UNC5D: variants seen among roughly 807,000 people sequenced by gnomAD.
The protein encoded by UNC5D is unc-5 netrin receptor D, also known as netrin receptor UNC5D.
Under a neutral mutation model 105.4 loss-of-function variants are expected in UNC5D, and 39 were observed. The ratio of observed to expected loss-of-function variants is 0.37; its 90% CI spans 0.29 to 0.48. UNC5D has a LOEUF of 0.48. UNC5D is among the 20% of genes least tolerant of loss of function. The probability of loss-of-function intolerance (pLI) is 0.98; values close to 1 mark genes in which losing one functional copy is unlikely to be tolerated. For missense variants in UNC5D, 991 were observed against 1,202.4 expected (o/e 0.82, Z 2.60); for synonymous variants, 452 against 450.4 (o/e 1.00, Z -0.04).
At chr8:35,376,502 A>G (rs1802707882) in intron 1 of UNC5D, among the ~76,000 whole-genome samples, 1 of 152,198 alleles carries the variant, frequency 6.6e-6, no homozygotes, top group African/African-American at 2.4e-5. Context: ...GCTAAAAAAC[A>G]TAGATGATAT....
At chr8:35,544,486 T>C (rs1390882812) in intron 1 of UNC5D, 1 of 1,613,668 alleles carries the variant, frequency 6.2e-7, no homozygotes, top group Admixed American at 1.7e-5. Flanking sequence ...GTGATGTCTG[T>C]GCTGGGACTT....
At chr8:35,323,451 C>T (rs895298664) in intron 1 of UNC5D, among the ~76,000 whole-genome samples, 4 of 151,976 alleles carry the variant, frequency 2.6e-5, no homozygotes, top group African/African-American at 7.2e-5. Flanking sequence ...TGCCTGGCTG[C>T]CCCAACCCCC....
At chr8:35,438,467 T>A (rs1470869820) in intron 1 of UNC5D, among the ~76,000 whole-genome samples, 1 of 152,066 alleles carries the variant, frequency 6.6e-6, no homozygotes, top group African/African-American at 2.4e-5. Context: ...CTATTAGTAA[T>A]CATGCTGGGA....
intron 11 of UNC5D, among the ~76,000 whole-genome samples, chr8:35,746,801 A>T (rs1830029997): frequency 6.6e-6 from 1 of 152,204 alleles, no homozygotes; most frequent in Non-Finnish European, 1.5e-5. Flanking sequence ...GGTCACTCAT[A>T]AGCATCCCTG....
chr8:35,726,161 T>C lies in UNC5D; in HGVS notation c.1313T>C (p.Leu438Pro). The C allele has an allele frequency of 6.2e-7, 1 of 1,607,092 alleles. No homozygotes were observed. Among genetic ancestry groups the C allele is most frequent in the Non-Finnish European group, 8.5e-7 (1 of 1,174,922 alleles). ...AATTTTCTTTTACCAGGTAACTCCC[T>C]GCTCCTGAATTCTGCCATGCAGCCA... Reference protein sequence around the residue: ...NFKTVRQGNSLLLNSAMQPDL... With the variant: ...NFKTVRQGNSPLLNSAMQPDL... Residue 438 changes from leucine to proline, a missense_variant, in exon 10 of 17, where the codon CTG becomes CCG. This residue lies in a region of UNC5D where 944 missense variants were observed against 1,131.6 expected (regional missense o/e 0.83). Coordinates refer to ENST00000404895, the MANE Select transcript of UNC5D (RefSeq NM_080872.4).
intron 1 of UNC5D, among the ~76,000 whole-genome samples, chr8:35,369,162 G>C (rs1802292702): frequency 1.3e-5 from 2 of 152,076 alleles, no homozygotes; most frequent in Non-Finnish European, 2.9e-5. Context: ...CAGTGTTGGT[G>C]GTGAGTATAC....
chr8:35,509,315 T>C (rs1274074003), intron 1 of UNC5D, among the ~76,000 whole-genome samples: 1 of 151,142 alleles, frequency 6.6e-6, no homozygotes, highest in Non-Finnish European at 1.5e-5. Context: ...GTAGTAGAGA[T>C]AAGGGCAAGA....
At chr8:35,443,898 C>T (rs1464658885) in intron 1 of UNC5D, among the ~76,000 whole-genome samples, 2 of 151,696 alleles carry the variant, frequency 1.3e-5, no homozygotes, top group African/African-American at 4.8e-5. Flanking sequence ...ATTTGTAAAT[C>T]CTCTTAAAAG....
intron 1 of UNC5D, among the ~76,000 whole-genome samples, chr8:35,511,742 TAAA>T (rs113992530): frequency 7.5e-6 from 1 of 133,208 alleles, no homozygotes; most frequent in African/African-American, 2.7e-5. Flanking sequence ...AAAAAAAAAT[TAAA>T]AAAAAAAACC....
chr8:35,305,575 CTTTT>C (rs753507193), intron 1 of UNC5D, among the ~76,000 whole-genome samples: 50,974 of 97,326 alleles, frequency 0.52, 10,090 homozygotes, highest in South Asian at 0.61. Flanking sequence ...TTCTTTCTTT[CTTTT>C]TCTTTCTTTC....
At chr8:35,569,455 C>T (rs1244513344) in intron 3 of UNC5D, among the ~76,000 whole-genome samples, 2 of 152,190 alleles carry the variant, frequency 1.3e-5, no homozygotes, top group African/African-American at 4.8e-5. Flanking sequence ...TTTGCAGAGA[C>T]ATTTATGTTC....
intron 4 of UNC5D, among the ~76,000 whole-genome samples, chr8:35,634,284 G>A (rs999241104): frequency 6.6e-5 from 10 of 152,156 alleles, no homozygotes; most frequent in Admixed American, 2.0e-4. Flanking sequence ...AAGTAAGCAC[G>A]GCACACGCAT....
chr8:35,261,858 C>T (rs998203738), intron 1 of UNC5D, among the ~76,000 whole-genome samples: 2 of 152,170 alleles, frequency 1.3e-5, no homozygotes, highest in Non-Finnish European at 2.9e-5. Context: ...TTTAATTAAG[C>T]TCCTCAGCTG....
At chr8:35,704,729 G>T (rs1472466610) in intron 7 of UNC5D, among the ~76,000 whole-genome samples, 1 of 152,150 alleles carries the variant, frequency 6.6e-6, no homozygotes, top group East Asian at 1.9e-4. Flanking sequence ...TTGGGTTCCT[G>T]CATGGTGGTG....
chr8:35,437,869 T>C (rs531332401), intron 1 of UNC5D, among the ~76,000 whole-genome samples: 2 of 151,976 alleles, frequency 1.3e-5, no homozygotes, highest in Admixed American at 1.3e-4. Context: ...TGATTTTTTT[T>C]TTTTGTCTTA....
chr8:35,544,439 T>TG, intron 1 of UNC5D: 1 of 1,613,652 alleles, frequency 6.2e-7, no homozygotes, highest in Non-Finnish European at 8.5e-7. Flanking sequence ...ATATGTTATC[T>TG]GGGGGTGGAT....
intron 1 of UNC5D, among the ~76,000 whole-genome samples, chr8:35,366,020 A>T (rs1802101580): frequency 6.6e-6 from 1 of 152,186 alleles, no homozygotes; most frequent in Non-Finnish European, 1.5e-5. Context: ...GAAACAAATT[A>T]TAAGACATTT....
intron 1 of UNC5D, among the ~76,000 whole-genome samples, chr8:35,405,270 G>T (rs569683560): frequency 6.6e-6 from 1 of 152,274 alleles, no homozygotes; most frequent in East Asian, 1.9e-4. Context: ...TAGTGGTGGT[G>T]TGTATGATAG....
intron 11 of UNC5D, among the ~76,000 whole-genome samples, chr8:35,745,075 G>T (rs1829937846): frequency 6.6e-6 from 1 of 151,886 alleles, no homozygotes; most frequent in Non-Finnish European, 1.5e-5. Flanking sequence ...AAATTCCCTA[G>T]CCTCAAGGAG....
Sources: gnomAD v4.1 joint callset for allele counts (sites outside exome capture counted in the v4.1 genomes callset) on GRCh38, gnomAD v4.1.1 for gene constraint, gnomAD v4.1.1 regional missense constraint, MANE v1.5 for transcripts, NCBI Gene and HGNC (gene_info 2026-07-23, HGNC 2026-07-21) for gene names.